Variants in EGF observed in about 807,000 individuals in gnomAD.
The protein encoded by EGF is epidermal growth factor.
Under a neutral mutation model 143.8 loss-of-function variants are expected in EGF, and 95 were observed. The observed-to-expected ratio is 0.66, with a 90% CI of 0.56 to 0.78. The LOEUF is 0.78. EGF is among the 30% of genes least tolerant of loss of function. EGF has a pLI of 0.00. For synonymous variants in EGF, 510 were observed against 510.5 expected, an observed-to-expected ratio of 1.00 and a Z score of 0.01; for missense variants, 1,320 against 1,470.9, an observed-to-expected ratio of 0.90 and a Z score of 1.68.
chr4:109,929,071 A>T (rs1739243268), intron 1 of EGF, among the ~76,000 whole-genome samples: 2 of 152,350 alleles, frequency 1.3e-5, no homozygotes, highest in East Asian at 3.9e-4. Flanking sequence ...TAATTATGGA[A>T]GATGGATGTA....
intron 1 of EGF, among the ~76,000 whole-genome samples, chr4:109,922,687 G>T (rs557859366): frequency 6.6e-6 from 1 of 151,670 alleles, no homozygotes; most frequent in Non-Finnish European, 1.5e-5. Context: ...TTTGCAAGAA[G>T]AAGTTCTCTC....
rs1447868825 is a variant in EGF at position 109,988,726 on chromosome 4, G to T, written c.2734+17G>T. 4.3e-6 allele frequency: 7 copies of T among 1,613,554 alleles called. No homozygotes were observed. The highest frequency in any genetic ancestry group is 5.9e-6 in the Non-Finnish European group (7 of 1,179,710). ...ACTGTCTTGGTAAGAGGACACATGT[G>T]CTGGGGAGGAGGGCAGAGGCAGGCC... On this transcript the variant is annotated intron_variant, in intron 18 of 23. Transcript: ENST00000265171.
At chr4:109,953,520 T>A (rs970210925) in intron 5 of EGF, among the ~76,000 whole-genome samples, 1 of 152,254 alleles carries the variant, frequency 6.6e-6, no homozygotes, top group Non-Finnish European at 1.5e-5. Flanking sequence ...TTACGTGTTT[T>A]CAAAATAAAG....
At chr4:109,923,131 A>G (rs1738080536) in intron 1 of EGF, among the ~76,000 whole-genome samples, 1 of 151,252 alleles carries the variant, frequency 6.6e-6, no homozygotes, top group Non-Finnish European at 1.5e-5. Flanking sequence ...TAATCTTGCT[A>G]TTTGTTACAT....
intron 8 of EGF, among the ~76,000 whole-genome samples, chr4:109,962,273 T>C (rs1438284973): frequency 6.6e-6 from 1 of 152,224 alleles, no homozygotes; most frequent in Non-Finnish European, 1.5e-5. Context: ...TTGGTCTAGA[T>C]ACTTGCCCTC....
intron 5 of EGF, among the ~76,000 whole-genome samples, chr4:109,957,835 G>A (rs1347043663): frequency 6.6e-6 from 1 of 152,204 alleles, no homozygotes; most frequent in African/African-American, 2.4e-5. Context: ...GACCCCAATA[G>A]TTTTCCTTGG....
At chr4:109,926,216 G>T (rs1738611326) in intron 1 of EGF, among the ~76,000 whole-genome samples, 1 of 152,166 alleles carries the variant, frequency 6.6e-6, no homozygotes. Flanking sequence ...AGCTGGGCAT[G>T]GTGGTATGTG....
chr4:109,983,909 T>C (rs1236782899), intron 16 of EGF, among the ~76,000 whole-genome samples: 3 of 152,234 alleles, frequency 2.0e-5, no homozygotes, highest in Non-Finnish European at 4.4e-5. Context: ...GAAAAGTTGA[T>C]AGTAATTGAT....
At chr4:110,007,688 C>T (rs988593769) in intron 22 of EGF, among the ~76,000 whole-genome samples, 14 of 152,234 alleles carry the variant, frequency 9.2e-5, no homozygotes, top group African/African-American at 3.4e-4. Flanking sequence ...TTATTACTAC[C>T]TTTAATGGCC....
chr4:110,008,181 C>T lies in EGF; in HGVS notation c.3321C>T (p.Leu1107=), dbSNP rs1753558975. Residue 1107 remains leucine (L), a synonymous_variant, in exon 23 of 24, where the codon CTC becomes CTT. Coordinates refer to ENST00000265171, the MANE Select transcript of EGF (RefSeq NM_001963.6). ...TGGTTATAAAAGAACACCAAGACCT[C>T]AAGAATGGGGGTCAACCAGTGGCTG... ...WFVVIKEHQD[L]KNGGQPVAGE... 6.2e-7 allele frequency: 1 copy of T among 1,613,868 alleles called. No homozygotes were observed. Among genetic ancestry groups the T allele is most frequent in the Non-Finnish European group, 8.5e-7 (1 of 1,179,938 alleles).
chr4:109,933,885 G>A (rs1463312965), intron 1 of EGF, among the ~76,000 whole-genome samples: 1 of 152,132 alleles, frequency 6.6e-6, no homozygotes, highest in Non-Finnish European at 1.5e-5. Flanking sequence ...ATAAACATAT[G>A]TGTGCATATG....
At chr4:109,938,695 G>T (rs1741348030) in intron 1 of EGF, among the ~76,000 whole-genome samples, 1 of 152,288 alleles carries the variant, frequency 6.6e-6, no homozygotes, top group South Asian at 2.1e-4. Flanking sequence ...TACGGATGGG[G>T]TTTTGATGTG....
intron 11 of EGF, among the ~76,000 whole-genome samples, chr4:109,971,679 A>G (rs1747679732): frequency 6.6e-6 from 1 of 152,200 alleles, no homozygotes; most frequent in South Asian, 2.1e-4. Flanking sequence ...GGCAGCTGCT[A>G]AAAGAAAACC....
At position 109,981,010 on chromosome 4, in the gene EGF, G is replaced by A. The variant is rs11569018; in HGVS notation, c.2371+35G>A. ...TAAATTATGTGGCAAATTACCTAACGTTGGCTCAGAAATACAGCTGTACAT... is the reference window on the plus strand; with the variant it reads ...TAAATTATGTGGCAAATTACCTAACATTGGCTCAGAAATACAGCTGTACAT... On this transcript the variant is annotated intron_variant, in intron 15 of 23. Coordinates refer to ENST00000265171, the MANE Select transcript of EGF (RefSeq NM_001963.6). The A allele has an allele frequency of 3.1e-3, 4,931 of 1,613,668 alleles. 93 individuals carry two copies. The Admixed American group carries it at 0.046, about 15-fold the overall frequency.
chr4:109,984,182 A>G (rs1239186861), intron 16 of EGF, among the ~76,000 whole-genome samples: 4 of 152,070 alleles, frequency 2.6e-5, no homozygotes, highest in African/African-American at 7.2e-5. Context: ...AAGCAGTGCA[A>G]TTTGACTTTG....
intron 19 of EGF, 106 bp from the exon 20 acceptor site, chr4:109,994,626 TA>T: frequency 7.5e-7 from 1 of 1,329,918 alleles, no homozygotes; most frequent in Non-Finnish European, 1.1e-6. Flanking sequence ...CTTCTGTCAC[TA>T]AAAGATTTAT....
At chr4:109,927,954 T>C (rs2125962725) in intron 1 of EGF, among the ~76,000 whole-genome samples, 1 of 152,212 alleles carries the variant, frequency 6.6e-6, no homozygotes, top group South Asian at 2.1e-4. Flanking sequence ...GTTGAAAAGC[T>C]GAGGGGTGTT....
intron 20 of EGF, among the ~76,000 whole-genome samples, chr4:109,996,662 T>C (rs1578383348): frequency 6.6e-6 from 1 of 152,330 alleles, no homozygotes; most frequent in Non-Finnish European, 1.5e-5. Context: ...AAGCAGGTTT[T>C]GGAAGAGCCA....
chr4:109,955,209 A>G (rs1744602856), intron 5 of EGF, among the ~76,000 whole-genome samples: 2 of 152,154 alleles, frequency 1.3e-5, no homozygotes, highest in South Asian at 2.1e-4. Context: ...AAAGCTCATG[A>G]GTGCCTGTGT....
Sources: allele counts gnomAD v4.1 joint callset (sites outside exome capture counted in the v4.1 genomes callset), GRCh38; gene constraint gnomAD v4.1.1; transcripts MANE v1.5; gene names NCBI Gene and HGNC (gene_info 2026-07-23, HGNC 2026-07-21).